WWOX: variants seen among roughly 807,000 people sequenced by gnomAD.
WWOX encodes WW domain containing oxidoreductase.
A neutral mutation model predicts 46.2 loss-of-function variants in WWOX; 69 were observed. The ratio of observed to expected loss-of-function variants is 1.49; its 90% CI spans 1.23 to 1.82. The LOEUF is 1.82. Among genes scored for constraint, WWOX ranks in the 40% most tolerant of loss-of-function variants. WWOX has a pLI of 0.00. For synonymous variants in WWOX, 359 were observed against 202.6 expected (o/e 1.77, Z -6.56); for missense variants, 919 against 542.6 (o/e 1.69, Z -6.89).
intron 8 of WWOX, among the ~76,000 whole-genome samples, chr16:79,033,535 G>A (rs2047807011): frequency 6.6e-6 from 1 of 151,916 alleles, no homozygotes; most frequent in Admixed American, 6.6e-5. Context: ...ATTTCCCCTG[G>A]CCCTCACTAC....
At chr16:78,621,661 G>C (rs970714665) in intron 8 of WWOX, among the ~76,000 whole-genome samples, 2 of 121,386 alleles carry the variant, frequency 1.6e-5, no homozygotes, top group Admixed American at 2.1e-4. Flanking sequence ...CTGGAGTGCA[G>C]TGGCACCATC....
At chr16:78,410,730 CAGG>C (rs1349970458) in intron 6 of WWOX, among the ~76,000 whole-genome samples, 1 of 146,874 alleles carries the variant, frequency 6.8e-6, no homozygotes, top group Non-Finnish European at 1.5e-5. Flanking sequence ...AGCTTCAAAA[CAGG>C]AGGCGGAGGT....
chr16:78,835,853 A>G (rs1054714494), intron 8 of WWOX, among the ~76,000 whole-genome samples: 1 of 152,224 alleles, frequency 6.6e-6, no homozygotes, highest in South Asian at 2.1e-4. Flanking sequence ...TCAAATCTGA[A>G]TTCAACATAT....
intron 8 of WWOX, among the ~76,000 whole-genome samples, chr16:78,444,825 C>T (rs372289082): frequency 7.2e-5 from 11 of 152,232 alleles, no homozygotes; most frequent in Non-Finnish European, 1.0e-4. Context: ...CCACCGCACC[C>T]GGCCTATGAG....
intron 8 of WWOX, among the ~76,000 whole-genome samples, chr16:78,693,821 C>G (rs1468946413): frequency 6.6e-6 from 1 of 152,118 alleles, no homozygotes; most frequent in African/African-American, 2.4e-5. Flanking sequence ...ATTCTTCATG[C>G]TTGTAAATTA....
At chr16:78,465,848 G>C (rs938772517) in intron 8 of WWOX, among the ~76,000 whole-genome samples, 10 of 152,042 alleles carry the variant, frequency 6.6e-5, no homozygotes, top group African/African-American at 2.4e-4. Flanking sequence ...TGTTGGGCTT[G>C]ACTTATTTTT....
At chr16:79,090,406 C>G (rs902490079) in intron 8 of WWOX, among the ~76,000 whole-genome samples, 1 of 151,918 alleles carries the variant, frequency 6.6e-6, no homozygotes, top group Admixed American at 6.6e-5. Context: ...AGTTATCTCA[C>G]GTTTCTGGAG....
At chr16:78,888,591 G>A (rs958361) in intron 8 of WWOX, among the ~76,000 whole-genome samples, 68,593 of 151,942 alleles carry the variant, frequency 0.45, 15,502 homozygotes, top group Admixed American at 0.5. Context: ...GGAGACAGCT[G>A]TCATTCTAAT....
chr16:78,408,211 A>T (rs1413038865), intron 6 of WWOX, among the ~76,000 whole-genome samples: 1 of 152,080 alleles, frequency 6.6e-6, no homozygotes, highest in Non-Finnish European at 1.5e-5. Context: ...CTTCTGATTG[A>T]TCCCCACCTT....
At chr16:78,164,684 G>A (rs1222997239) in intron 5 of WWOX, among the ~76,000 whole-genome samples, 1 of 152,192 alleles carries the variant, frequency 6.6e-6, no homozygotes, top group Non-Finnish European at 1.5e-5. Context: ...CTATGTAGAA[G>A]TTGATGTTGA....
At chr16:78,528,424 G>C (rs2043535632) in intron 8 of WWOX, among the ~76,000 whole-genome samples, 1 of 151,764 alleles carries the variant, frequency 6.6e-6, no homozygotes, top group Non-Finnish European at 1.5e-5. Flanking sequence ...TCCAGAAAGT[G>C]GCTCGTATTC....
At chr16:78,513,926 A>T (rs2085426145) in intron 8 of WWOX, among the ~76,000 whole-genome samples, 1 of 137,232 alleles carries the variant, frequency 7.3e-6, no homozygotes, top group South Asian at 2.5e-4. Flanking sequence ...ACTTTGTATG[A>T]CAGTCTTCTT....
intron 5 of WWOX, among the ~76,000 whole-genome samples, chr16:78,185,096 C>T (rs904949682): frequency 6.6e-6 from 1 of 152,166 alleles, no homozygotes; most frequent in Non-Finnish European, 1.5e-5. Flanking sequence ...TCTCTGCTCA[C>T]ATTCCATTGG....
intron 8 of WWOX, among the ~76,000 whole-genome samples, chr16:78,880,252 A>G (rs1362309159): frequency 6.6e-6 from 1 of 152,222 alleles, no homozygotes; most frequent in Non-Finnish European, 1.5e-5. Flanking sequence ...AACACCTTAC[A>G]TAGATGGAAA....
At chr16:78,305,535 C>T (rs911610919) in intron 5 of WWOX, among the ~76,000 whole-genome samples, 18 of 152,066 alleles carry the variant, frequency 1.2e-4, no homozygotes, top group African/African-American at 3.6e-4. Flanking sequence ...AAGCCCAGAT[C>T]CCGTGAACTG....
intron 8 of WWOX, among the ~76,000 whole-genome samples, chr16:78,958,757 G>T (rs376889178): frequency 6.6e-6 from 1 of 152,192 alleles, no homozygotes; most frequent in Non-Finnish European, 1.5e-5. Flanking sequence ...ATACCAAGTC[G>T]TCAATGCCAC....
chr16:78,806,344 T>A (rs2051037454), intron 8 of WWOX, among the ~76,000 whole-genome samples: 1 of 152,184 alleles, frequency 6.6e-6, no homozygotes, highest in African/African-American at 2.4e-5. Flanking sequence ...CAGTAACAAT[T>A]GTTGCATAAC....
intron 8 of WWOX, among the ~76,000 whole-genome samples, chr16:78,730,133 G>A (rs982346964): frequency 2.0e-5 from 3 of 152,004 alleles, no homozygotes; most frequent in Non-Finnish European, 4.4e-5. Flanking sequence ...TTAGCTTTAG[G>A]GAATGAAACT....
chr16:78,732,091 T>A (rs1042997673), intron 8 of WWOX, among the ~76,000 whole-genome samples: 6 of 152,120 alleles, frequency 3.9e-5, no homozygotes, highest in Non-Finnish European at 7.4e-5. Flanking sequence ...CTCAAACTCA[T>A]GCCCTCAAAT....
Sources: allele counts gnomAD v4.1 joint callset (sites outside exome capture counted in the v4.1 genomes callset), GRCh38; gene constraint gnomAD v4.1.1; transcripts MANE v1.5; gene names NCBI Gene and HGNC (gene_info 2026-07-23, HGNC 2026-07-21).